The following FAM20A variants were observed in gnomAD, a reference collection of about 807,000 sequenced individuals.
FAM20A encodes the protein pseudokinase FAM20A.
A neutral mutation model predicts 52.0 loss-of-function variants in FAM20A; 42 were observed. That is an observed-to-expected ratio of 0.81 (90% CI 0.63 to 1.04). The LOEUF is 1.04. Ranked by LOEUF, FAM20A falls within the 50% of genes least tolerant of loss-of-function variation. The pLI is 0.00. For synonymous variants in FAM20A, 304 were observed against 298.9 expected, an observed-to-expected ratio of 1.02 and a Z score of -0.18; for missense variants, 742 against 712.7, an observed-to-expected ratio of 1.04 and a Z score of -0.47.
intron 5 of FAM20A, 122 bp from the exon 6 acceptor site, chr17:68,542,931 G>C: frequency 4.0e-6 from 3 of 747,836 alleles, no homozygotes; most frequent in Non-Finnish European, 7.1e-6. Flanking sequence ...GGCCGGTGAG[G>C]CGTGACTCTG....
chr17:68,582,963 C>T (rs1347417663), intron 1 of FAM20A, among the ~76,000 whole-genome samples: 5 of 71,240 alleles, frequency 7.0e-5, no homozygotes, highest in Admixed American at 6.2e-4. Flanking sequence ...CCAGGCCCAG[C>T]TGATTTTTTT....
At chr17:68,581,914 T>A (rs2143862988) in intron 1 of FAM20A, among the ~76,000 whole-genome samples, 1 of 152,240 alleles carries the variant, frequency 6.6e-6, no homozygotes, top group East Asian at 1.9e-4. Flanking sequence ...TCTGAGCCAC[T>A]TTCTTCATCT....
At chr17:68,540,514 G>A (rs1159590030) in intron 8 of FAM20A, 1 of 482,710 alleles carries the variant, frequency 2.1e-6, no homozygotes, top group Non-Finnish European at 4.1e-6. Context: ...GGCCCTCCCT[G>A]CTACATATTT....
At chr17:68,546,168 CAAAAA>C (rs750780505) in intron 4 of FAM20A, among the ~76,000 whole-genome samples, 11 of 98,912 alleles carry the variant, frequency 1.1e-4, no homozygotes, top group Non-Finnish European at 1.8e-4. Flanking sequence ...GACTCCATCT[CAAAAA>C]AAAAAAAAAA....
intron 10 of FAM20A, 62 bp downstream of exon 10, chr17:68,539,275 G>T: frequency 6.4e-7 from 1 of 1,566,800 alleles, no homozygotes; most frequent in Non-Finnish European, 8.8e-7. Flanking sequence ...GACCTTGGCT[G>T]CAAGCAGCAT....
At chr17:68,561,591 C>CTT (rs5821662) in intron 1 of FAM20A, among the ~76,000 whole-genome samples, 50 of 128,930 alleles carry the variant, frequency 3.9e-4, no homozygotes, top group African/African-American at 1.3e-3. Flanking sequence ...TTTGATTGCT[C>CTT]TTTTTTTTTT....
chr17:68,589,482 G>A (rs577583205), intron 1 of FAM20A, among the ~76,000 whole-genome samples: 2 of 152,260 alleles, frequency 1.3e-5, no homozygotes, highest in South Asian at 4.1e-4. Flanking sequence ...AGGCTCAAGT[G>A]GTAGAAGCAT....
chr17:68,588,674 AGGACACCAATCATATT>A (rs1413837525), intron 1 of FAM20A, among the ~76,000 whole-genome samples: 1 of 152,172 alleles, frequency 6.6e-6, no homozygotes, highest in Non-Finnish European at 1.5e-5. Context: ...TCTTCTTATG[AGGACACCAATCATATT>A]GGATCAAGAC....
intron 4 of FAM20A, among the ~76,000 whole-genome samples, chr17:68,544,014 C>A (rs2086433574): frequency 6.6e-6 from 1 of 152,114 alleles, no homozygotes; most frequent in Non-Finnish European, 1.5e-5. Context: ...CAAAACCCAG[C>A]AGTTGAGAGG....
At position 68,600,258 on chromosome 17, in the gene FAM20A, C is replaced by G. The variant is rs1188316106; in HGVS notation, c.404+5G>C. 6.4e-7 allele frequency: 1 copy of G among 1,559,930 alleles called. No homozygotes were observed. Among genetic ancestry groups the G allele is most frequent in the African/African-American group, 1.4e-5 (1 of 73,214 alleles). On this transcript the variant is annotated splice_donor_5th_base_variant and intron_variant, in intron 1 of 10. Transcript: ENST00000592554. The surrounding 1 kb of genome is among the most constrained non-coding windows in gnomAD (Gnocchi z 6.2). ...GCTCTCCCGCGTCCCGGGCGGGGTC[C>G]TCACCTGTTCCAGCGGGCCACCTTC...
At chr17:68,557,221 TC>T (rs1461876049) in intron 1 of FAM20A, among the ~76,000 whole-genome samples, 1 of 152,038 alleles carries the variant, frequency 6.6e-6, no homozygotes, top group Admixed American at 6.6e-5. Flanking sequence ...AAATTACTTT[TC>T]TATCAAAATA....
At position 68,599,512 on chromosome 17, in the gene FAM20A, C is replaced by T. The variant is rs192420957; in HGVS notation, c.404+751G>A. On this transcript the variant is annotated intron_variant, in intron 1 of 10. Coordinates refer to ENST00000592554, the MANE Select transcript of FAM20A (RefSeq NM_017565.4). Reference sequence around the variant, plus strand: ...ATTTTGCTTTGGGTTTAAAAAATTCCCTGAAAGATTTTTTTCTCGTCTGTG... The same window carrying T: ...ATTTTGCTTTGGGTTTAAAAAATTCTCTGAAAGATTTTTTTCTCGTCTGTG... Among the ~76,000 whole-genome samples, 985 of 152,158 alleles carry T rather than the reference C, an allele frequency of 6.5e-3. 9 individuals are homozygous for T. Among genetic ancestry groups the T allele is most frequent in the African/African-American group, 0.022 (926 of 41,504 alleles).
In FAM20A at chr17:68,541,970, T is replaced by G. The variant is rs756286073; in HGVS notation, c.1109+15A>C. 11 of 1,610,674 alleles carry G rather than the reference T, an allele frequency of 6.8e-6. No homozygotes were observed. The highest frequency in any genetic ancestry group is 1.1e-5 in the South Asian group (1 of 90,732). On this transcript the variant is annotated intron_variant, in intron 7 of 10. Coordinates refer to ENST00000592554, the MANE Select transcript of FAM20A (RefSeq NM_017565.4). ...CTGTCAAGGACTGGGCTGTGTGGCC[T>G]GGGGACCAACTCACTCCTCTTTTCC...
chr17:68,539,986 T>C lies in FAM20A; in HGVS notation c.1220-20A>G. 1 of 1,612,404 alleles carries C rather than the reference T, an allele frequency of 6.2e-7. No homozygotes were observed. Among genetic ancestry groups the C allele is most frequent in the African/African-American group, 1.3e-5 (1 of 75,006 alleles). On this transcript the variant is annotated intron_variant, in intron 8 of 10. Coordinates refer to ENST00000592554, the MANE Select transcript of FAM20A (RefSeq NM_017565.4). ...TATTCCCTGTGAAGGAGGGGAGGAC[T>C]TAGCTGGAACCAGCAGGCCAGGGGG...
chr17:68,572,889 G>A (rs1274264792), intron 1 of FAM20A, among the ~76,000 whole-genome samples: 1 of 152,058 alleles, frequency 6.6e-6, no homozygotes, highest in African/African-American at 2.4e-5. Flanking sequence ...AGAGGCCAAG[G>A]GAAGTCCAAA....
intron 1 of FAM20A, among the ~76,000 whole-genome samples, chr17:68,581,402 C>CTTTCTT (rs2087967396): frequency 7.0e-6 from 1 of 142,678 alleles, no homozygotes; most frequent in Admixed American, 7.1e-5. Context: ...TTCTTTCTTT[C>CTTTCTT]TTTCTTTCTT....
chr17:68,554,292 G>T (rs1004623871), intron 3 of FAM20A, among the ~76,000 whole-genome samples: 1 of 152,024 alleles, frequency 6.6e-6, no homozygotes, highest in Non-Finnish European at 1.5e-5. Flanking sequence ...TGGAAGAGAC[G>T]GGTTTTCACT....
intron 1 of FAM20A, among the ~76,000 whole-genome samples, chr17:68,570,077 A>AAT (rs1304786279): frequency 9.2e-5 from 14 of 152,022 alleles, no homozygotes; most frequent in Admixed American, 2.0e-4. Context: ...ATGTTCAATA[A>AAT]ATATATATAT....
chr17:68,600,710 C>G lies in FAM20A; in HGVS notation c.-44G>C. 6.6e-7 allele frequency: 1 copy of G among 1,522,384 alleles called. No individual in the cohort carries two copies. Among genetic ancestry groups the G allele is most frequent in the South Asian group, 1.2e-5 (1 of 82,592 alleles). 94.3% of individuals were successfully genotyped at this position (1,522,384 alleles called of 1,614,324 possible). A position where few individuals can be genotyped will look rare whatever the true frequency, so the allele number is the denominator to read the frequency against. The stretch of plus-strand genomic sequence containing the variant: ...GACGCCGGGGGCAGGCCGGCTGTCT[C>G]CGGGGTCCCGGGAGGGGTCGCGGGG... On this transcript the variant is annotated 5_prime_UTR_variant, in exon 1 of 11. Coordinates refer to ENST00000592554, the MANE Select transcript of FAM20A (RefSeq NM_017565.4). The surrounding 1 kb of genome is among the most constrained non-coding windows in gnomAD (Gnocchi z 6.2).
Sources: allele counts gnomAD v4.1 joint callset (sites outside exome capture counted in the v4.1 genomes callset), GRCh38; gene constraint gnomAD v4.1.1; non-coding constraint Gnocchi (gnomAD v3.1); transcripts MANE v1.5; gene names NCBI Gene and HGNC (gene_info 2026-07-23, HGNC 2026-07-21).